Variants in GAS7 observed in about 807,000 individuals in gnomAD.
GAS7 encodes growth arrest-specific protein 7.
In GAS7, 28 loss-of-function variants were observed where a neutral mutation model predicts 71.1. That is an observed-to-expected ratio of 0.39 (90% CI 0.29 to 0.54). GAS7 has a LOEUF of 0.54. Ranked by LOEUF, GAS7 falls within the 20% of genes least tolerant of loss-of-function variation. GAS7 has a pLI of 0.62. For synonymous variants in GAS7, 258 were observed against 245.8 expected (o/e 1.05, Z -0.46); for missense variants, 436 against 627.8 (o/e 0.69, Z 3.27).
At chr17:10,117,545 G>A (rs1597801983) in intron 1 of GAS7, among the ~76,000 whole-genome samples, 1 of 152,272 alleles carries the variant, frequency 6.6e-6, no homozygotes, top group Non-Finnish European at 1.5e-5. Flanking sequence ...GAGTGACACA[G>A]GAGTGAGACC....
intron 1 of GAS7, chr17:10,020,118 G>A: frequency 2.0e-6 from 1 of 494,232 alleles, no homozygotes; most frequent in Non-Finnish European, 3.7e-6. Context: ...CTGCACAGAG[G>A]ACAGCTCCTC....
intron 1 of GAS7, among the ~76,000 whole-genome samples, chr17:10,187,094 T>C (rs1402298019): frequency 2.0e-5 from 3 of 152,160 alleles, no homozygotes; most frequent in Non-Finnish European, 1.5e-5. Flanking sequence ...CAGGATTGTA[T>C]TTTTTCACTG....
chr17:10,138,513 C>T (rs2074057026), intron 1 of GAS7, among the ~76,000 whole-genome samples: 1 of 152,004 alleles, frequency 6.6e-6, no homozygotes, highest in South Asian at 2.1e-4. Context: ...GCCTGTATTA[C>T]CAGCACTTTG....
At chr17:9,925,876 G>C (rs1023867635) in intron 10 of GAS7, among the ~76,000 whole-genome samples, 1 of 152,100 alleles carries the variant, frequency 6.6e-6, no homozygotes. Context: ...CCTGTACAAA[G>C]ACTGGGGACC....
At chr17:10,056,742 G>GTCTCCCTCCCCACGA (rs540653290) in intron 1 of GAS7, among the ~76,000 whole-genome samples, 12 of 151,382 alleles carry the variant, frequency 7.9e-5, no homozygotes, top group South Asian at 4.2e-4. Context: ...TCCCTCTCCC[G>GTCTCCCTCCCCACGA]TCTCCCTCCC....
chr17:10,059,704 G>A (rs2073197349), intron 1 of GAS7: 3 of 985,368 alleles, frequency 3.0e-6, no homozygotes, highest in African/African-American at 1.7e-5. Context: ...CAGCCTTGTG[G>A]TGTGTCCTTA....
intron 1 of GAS7, among the ~76,000 whole-genome samples, chr17:10,084,317 T>G (rs1053060534): frequency 3.9e-5 from 6 of 152,196 alleles, no homozygotes; most frequent in Admixed American, 6.5e-5. Flanking sequence ...AGTTGTCTAT[T>G]TAATAATCAT....
intron 1 of GAS7, among the ~76,000 whole-genome samples, chr17:10,148,573 GCA>G (rs2074139093): frequency 6.8e-6 from 1 of 146,496 alleles, no homozygotes; most frequent in Admixed American, 6.9e-5. Flanking sequence ...AGCCAAGATT[GCA>G]CCACTGCACT....
intron 1 of GAS7, among the ~76,000 whole-genome samples, chr17:10,031,244 G>A (rs2072609936): frequency 6.6e-6 from 1 of 152,204 alleles, no homozygotes; most frequent in Non-Finnish European, 1.5e-5. Context: ...TCAAGACTGG[G>A]CAGGGAGAGG....
At chr17:10,041,872 CA>C (rs1247494026) in intron 1 of GAS7, among the ~76,000 whole-genome samples, 1 of 152,192 alleles carries the variant, frequency 6.6e-6, no homozygotes, top group African/African-American at 2.4e-5. Context: ...TTCCTGAGTT[CA>C]ACGGCATCAG....
intron 1 of GAS7, among the ~76,000 whole-genome samples, chr17:10,197,269 C>T (rs1314030521): frequency 6.6e-6 from 1 of 152,124 alleles, no homozygotes; most frequent in Non-Finnish European, 1.5e-5. Flanking sequence ...AATTCAGCCT[C>T]CATGATTTCT....
chr17:10,188,103 C>T (rs952215447), intron 1 of GAS7, among the ~76,000 whole-genome samples: 16 of 152,130 alleles, frequency 1.1e-4, no homozygotes, highest in African/African-American at 3.4e-4. Context: ...ATTAGCCAGG[C>T]ATGGTGGTGG....
At chr17:9,979,408 C>T (rs2070327382) in intron 3 of GAS7, among the ~76,000 whole-genome samples, 1 of 152,214 alleles carries the variant, frequency 6.6e-6, no homozygotes, top group Non-Finnish European at 1.5e-5. Context: ...TTCTCAGCCC[C>T]CTTTAGGGGC....
rs9900892 is a variant in GAS7 at position 10,012,498 on chromosome 17, G to T, written c.304+7279C>A. Among the ~76,000 whole-genome samples, 3 of 151,762 alleles carry T rather than the reference G, an allele frequency of 2.0e-5. No individual in the cohort carries two copies. In the East Asian group the frequency reaches 5.9e-4, roughly 30 times the overall value. On this transcript the variant is annotated intron_variant, in intron 2 of 13. Coordinates refer to ENST00000432992, the MANE Select transcript of GAS7 (RefSeq NM_201433.2). ...AGACGGGGTTTCACCATGGTCCCCA[G>T]GCTGGTCTTGAGCTCCTGGGCTCAA...
chr17:10,126,363 CTT>C (rs1309330949), intron 1 of GAS7, among the ~76,000 whole-genome samples: 4 of 110,302 alleles, frequency 3.6e-5, no homozygotes, highest in Non-Finnish European at 8.5e-5. Flanking sequence ...CACACACACT[CTT>C]GCACACACAC....
chr17:9,985,589 T>A lies in GAS7; in HGVS notation c.305-3705A>T, dbSNP rs1039979731. ...CCCTGCAAAGAGTTCTTCCCCAGAC[T>A]CTCTAGAGTGGGTGCTGTAGTGCAC... On this transcript the variant is annotated intron_variant, in intron 2 of 13. Transcript: ENST00000432992. 1.1e-4 allele frequency among the ~76,000 whole-genome samples: 16 copies of A among 152,212 alleles called. No homozygotes were observed. The East Asian group carries it at 3.1e-3, about 29-fold the overall frequency.
In GAS7 at chr17:10,016,589, A is replaced by T. The variant is rs372161689; in HGVS notation, c.304+3188T>A. On this transcript the variant is annotated intron_variant, in intron 2 of 13. Transcript: ENST00000432992. Reference sequence around the variant, plus strand: ...GGATCAGCCTAGGCAACATACTGAAACCCTGTCTCTACCAAAAAAAAAAAA... The same window carrying T: ...GGATCAGCCTAGGCAACATACTGAATCCCTGTCTCTACCAAAAAAAAAAAA... Among the ~76,000 whole-genome samples, 68 of 126,998 alleles carry T rather than the reference A, an allele frequency of 5.4e-4. No homozygotes were observed. The South Asian group carries it at 0.013, about 24-fold the overall frequency. 83.3% of individuals were successfully genotyped at this position (126,998 alleles called of 152,430 possible). A position where few individuals can be genotyped will look rare whatever the true frequency, so the allele number is the denominator to read the frequency against.
chr17:10,193,711 A>T (rs1313643243), intron 1 of GAS7, among the ~76,000 whole-genome samples: 1 of 152,214 alleles, frequency 6.6e-6, no homozygotes, highest in African/African-American at 2.4e-5. Flanking sequence ...ATGGAAGAAC[A>T]TCAAAGCACC....
At position 10,026,210 on chromosome 17, in the gene GAS7, T is replaced by A. The variant is rs2072458332; in HGVS notation, c.184-6313A>T. The A allele has an allele frequency of 1.0e-6, 1 of 985,298 alleles. No homozygotes were observed. The highest frequency in any genetic ancestry group is 1.1e-4 in the East Asian group (1 of 8,810). 61.0% of individuals were successfully genotyped at this position (985,298 alleles called of 1,614,324 possible). ...GTGTTAATGGGTGGTCGTCAGACACTCGCTTTAGCAGCCAGATCAGACGGT... is the reference window on the plus strand; with the variant it reads ...GTGTTAATGGGTGGTCGTCAGACACACGCTTTAGCAGCCAGATCAGACGGT... On this transcript the variant is annotated intron_variant, in intron 1 of 13. Coordinates refer to ENST00000432992, the MANE Select transcript of GAS7 (RefSeq NM_201433.2). This position sits in a 1 kb window ranked among gnomAD's most constrained non-coding sequence, Gnocchi z 4.5.
Sources: allele counts gnomAD v4.1 joint callset (sites outside exome capture counted in the v4.1 genomes callset), GRCh38; gene constraint gnomAD v4.1.1; non-coding constraint Gnocchi (gnomAD v3.1); transcripts MANE v1.5; gene names NCBI Gene and HGNC (gene_info 2026-07-23, HGNC 2026-07-21).